Variants in INSL6 observed in about 807,000 individuals in gnomAD.
INSL6 encodes the protein insulin like 6.
In INSL6, 16 loss-of-function variants were observed where a neutral mutation model predicts 9.4. That is an observed-to-expected ratio of 1.70 (90% CI 1.15 to 2.59). The LOEUF (loss-of-function observed/expected upper bound fraction) is 2.59, where lower values mean the gene tolerates loss of function less well. Ranked by LOEUF, INSL6 falls within the 30% of genes most tolerant of loss-of-function variation. The pLI, the probability that INSL6 is intolerant of heterozygous loss-of-function variation, is 0.00. For missense variants in INSL6, 391 were observed against 257.3 expected (o/e 1.52, Z -3.56); for synonymous variants, 154 against 96.9 (o/e 1.59, Z -3.46).
chr9:5,050,722 C>T, the INSL6 span: 2 of 1,613,640 alleles, frequency 1.2e-6, no homozygotes, highest in Non-Finnish European at 8.5e-7. Flanking sequence ...GATAAAAGTA[C>T]CTGTGACTCA....
At chr9:5,015,727 C>T in the INSL6 span, among the ~76,000 whole-genome samples, 1 of 151,906 alleles carries the variant, frequency 6.6e-6, no homozygotes, top group African/African-American at 2.4e-5. Flanking sequence ...GATTCTTTTT[C>T]GTAGCAAAGC....
At chr9:5,114,230 C>G in the INSL6 span, 10 of 522,698 alleles carry the variant, frequency 1.9e-5, no homozygotes, top group Non-Finnish European at 3.4e-5. Context: ...ACCTGTTCAT[C>G]CGCAAGTTGC....
the INSL6 span, among the ~76,000 whole-genome samples, chr9:5,058,903 G>T: frequency 2.0e-4 from 31 of 152,066 alleles, no homozygotes; most frequent in East Asian, 4.1e-3. Flanking sequence ...CTGAATTATA[G>T]AAATTATTTA....
the INSL6 span, among the ~76,000 whole-genome samples, chr9:5,070,526 G>T: frequency 6.6e-6 from 1 of 151,982 alleles, no homozygotes; most frequent in Non-Finnish European, 1.5e-5. Context: ...ATATACATGG[G>T]TTTTGCATCC....
At chr9:5,168,294 G>T (rs953967453) in intron 1 of INSL6, among the ~76,000 whole-genome samples, 1 of 152,186 alleles carries the variant, frequency 6.6e-6, no homozygotes, top group East Asian at 1.9e-4. Flanking sequence ...AAAGGAGTAT[G>T]TTCAAACTTG....
chr9:5,162,072 CA>C (rs59132384), downstream of INSL6, among the ~76,000 whole-genome samples: 1,503 of 135,820 alleles, frequency 0.011, 22 homozygotes, highest in African/African-American at 0.027. Flanking sequence ...GACCCTGCCT[CA>C]AAAAAAAAAA....
At chr9:5,085,794 C>G in the INSL6 span, 2 of 755,190 alleles carry the variant, frequency 2.6e-6, no homozygotes, top group Admixed American at 1.7e-5. Context: ...ATTACATGCT[C>G]GGGCCATTAG....
intron 2 of INSL6, among the ~76,000 whole-genome samples, chr9:5,145,645 T>G (rs942553057): frequency 6.6e-6 from 1 of 152,200 alleles, no homozygotes; most frequent in African/African-American, 2.4e-5. Context: ...CTTGGAAGGT[T>G]TGTTTATTCC....
chr9:5,056,041 G>C, the INSL6 span, among the ~76,000 whole-genome samples: 3 of 152,020 alleles, frequency 2.0e-5, no homozygotes, highest in South Asian at 6.2e-4. Flanking sequence ...CAAAGCACCA[G>C]TTACTTTCTC....
the INSL6 span, among the ~76,000 whole-genome samples, chr9:5,096,473 C>G: frequency 1.2e-4 from 18 of 152,274 alleles, 1 homozygote; most frequent in African/African-American, 4.1e-4. Context: ...AATCAACTGG[C>G]TTCAATCTAC....
the INSL6 span, among the ~76,000 whole-genome samples, chr9:5,063,903 A>G: frequency 6.6e-6 from 1 of 152,248 alleles, no homozygotes; most frequent in East Asian, 1.9e-4. Context: ...CACGCGTGTA[A>G]TCCCAGCACT....
chr9:5,090,422 T>C, the INSL6 span: 2 of 1,492,618 alleles, frequency 1.3e-6, no homozygotes, highest in Non-Finnish European at 1.8e-6. Flanking sequence ...GAGTAAAACA[T>C]TATTTCCACC....
the INSL6 span, among the ~76,000 whole-genome samples, chr9:5,012,267 A>T: frequency 6.6e-6 from 1 of 152,202 alleles, no homozygotes; most frequent in East Asian, 1.9e-4. Context: ...AAGAGTAAGT[A>T]TGGGCCTCAT....
At chr9:5,111,231 T>G in the INSL6 span, 1 of 567,502 alleles carries the variant, frequency 1.8e-6, no homozygotes, top group Non-Finnish European at 3.3e-6. Context: ...AGCGCGGGCC[T>G]ATTCCTCCTT....
chr9:5,135,846 G>T (rs1390606640), intron 2 of INSL6, among the ~76,000 whole-genome samples: 1 of 151,474 alleles, frequency 6.6e-6, no homozygotes, highest in Non-Finnish European at 1.5e-5. Context: ...CTGGTTTTTT[G>T]AAAAAAATCA....
intron 1 of INSL6, among the ~76,000 whole-genome samples, chr9:5,177,907 G>T (rs561131303): frequency 1.3e-5 from 2 of 151,994 alleles, no homozygotes; most frequent in Admixed American, 6.5e-5. Context: ...TTGGAGTCTC[G>T]CTCTGTCACC....
the INSL6 span, among the ~76,000 whole-genome samples, chr9:5,029,115 G>C: frequency 2.0e-5 from 3 of 152,164 alleles, no homozygotes; most frequent in Non-Finnish European, 4.4e-5. Flanking sequence ...TAAAGTGAGA[G>C]ATATGAAACT....
At chr9:5,055,983 G>C in the INSL6 span, among the ~76,000 whole-genome samples, 5 of 151,986 alleles carry the variant, frequency 3.3e-5, no homozygotes, top group African/African-American at 1.2e-4. Context: ...TCTTCCTACA[G>C]AGTTTCTTGT....
chr9:5,026,950 T>C, the INSL6 span, among the ~76,000 whole-genome samples: 1 of 152,252 alleles, frequency 6.6e-6, no homozygotes, highest in African/African-American at 2.4e-5. Flanking sequence ...TATTAATGTA[T>C]TGTGTAAAAC....
Sources: gnomAD v4.1 joint callset for allele counts (sites outside exome capture counted in the v4.1 genomes callset) on GRCh38, gnomAD v4.1.1 for gene constraint, MANE v1.5 for transcripts, NCBI Gene and HGNC (gene_info 2026-07-23, HGNC 2026-07-21) for gene names.